MBP: variants seen among roughly 807,000 people sequenced by gnomAD.
MBP encodes Golli-MBP.
Under a neutral mutation model 35.8 loss-of-function variants are expected in MBP, and 16 were observed. That is an observed-to-expected ratio of 0.45 (90% confidence interval 0.30 to 0.68). MBP has a LOEUF of 0.68. MBP is among the 30% of genes least tolerant of loss of function. MBP has a pLI of 0.08. For synonymous variants in MBP, 143 were observed against 159.6 expected (o/e 0.90, Z 0.78); for missense variants, 380 against 404.7 (o/e 0.94, Z 0.52).
Position 76,984,850 on chromosome 18 carries a change from C to A in MBP, c.795G>T (p.Ala265=). The A allele has an allele frequency of 6.2e-7, 1 of 1,613,952 alleles. No homozygotes were observed. The highest frequency in any genetic ancestry group is 8.5e-7 in the Non-Finnish European group (1 of 1,180,022). Residue 265 remains alanine (A), a synonymous_variant, in exon 8 of 9, where the codon GCG becomes GCT. Coordinates refer to ENST00000355994, the MANE Select transcript of MBP (RefSeq NM_001025101.2). ...QRPGFGYGGR[A]SDYKSAHKGF... is the part of the protein sequence containing the mutation. ...CCTTGTGAGCCGATTTATAGTCGGA[C>A]GCTCTGCCTCCGTAGCCAAATCCTG...
chr18:77,065,193 T>C (rs1223059825), intron 3 of MBP, among the ~76,000 whole-genome samples: 1 of 152,160 alleles, frequency 6.6e-6, no homozygotes, highest in East Asian at 1.9e-4. Flanking sequence ...ATAAAGAAAA[T>C]AAATTTATTC....
chr18:76,998,320 G>T (rs929233426), intron 4 of MBP, among the ~76,000 whole-genome samples: 3 of 96,370 alleles, frequency 3.1e-5, no homozygotes, highest in Non-Finnish European at 6.2e-5. Flanking sequence ...CCCGTGCTGC[G>T]GCCCCCGTCA....
intron 4 of MBP, among the ~76,000 whole-genome samples, chr18:76,993,063 C>T (rs75804507): frequency 0.023 from 3,559 of 152,308 alleles, 65 homozygotes; most frequent in African/African-American, 0.042. Flanking sequence ...ACCCCTTGCT[C>T]GTGGCCTCCC....
In MBP at chr18:77,102,199, G is replaced by A. The variant is rs1037550535; in HGVS notation, c.51+3012C>T. On this transcript the variant is annotated intron_variant, in intron 2 of 8. Transcript: ENST00000355994. The surrounding 1 kb of genome is among the most constrained non-coding windows in gnomAD (Gnocchi z 4.4). Reference sequence around the variant, plus strand: ...TCAGCAGCCTGGGCCGGGCAGTGGGGCAGAGGCAGTGTGTGGGGTAGACCG... The same window carrying A: ...TCAGCAGCCTGGGCCGGGCAGTGGGACAGAGGCAGTGTGTGGGGTAGACCG... 2.0e-5 allele frequency among the ~76,000 whole-genome samples: 3 copies of A among 152,170 alleles called. No homozygotes were observed. The highest frequency in any genetic ancestry group is 6.5e-5 in the Admixed American group (1 of 15,280).
intron 3 of MBP, among the ~76,000 whole-genome samples, chr18:77,026,463 TTAACTA>T (rs1483614942): frequency 6.6e-6 from 1 of 152,172 alleles, no homozygotes; most frequent in African/African-American, 2.4e-5. Context: ...ACTACCCAAT[TTAACTA>T]TAACACGGTG....
chr18:77,057,528 A>G (rs1973771527), intron 3 of MBP, among the ~76,000 whole-genome samples: 1 of 152,208 alleles, frequency 6.6e-6, no homozygotes. Context: ...AAGGCCGTGC[A>G]GTGATTATCT....
In MBP at chr18:76,989,636, C is replaced by G. The variant is rs530131046; in HGVS notation, c.681+320G>C. ...CTCTCTCTGCTGCCCCCTCCGCTCCCAGCCCATGGCAAGCACTCTCCATAG... is the reference window on the plus strand; with the variant it reads ...CTCTCTCTGCTGCCCCCTCCGCTCCGAGCCCATGGCAAGCACTCTCCATAG... On this transcript the variant is annotated intron_variant, in intron 5 of 8. Coordinates refer to ENST00000355994, the MANE Select transcript of MBP (RefSeq NM_001025101.2). The surrounding 1 kb of genome is among the most constrained non-coding windows in gnomAD (Gnocchi z 4.0). The G allele has an allele frequency of 1.8e-4, 58 of 323,498 alleles. No homozygotes were observed. Among genetic ancestry groups the G allele is most frequent in the Non-Finnish European group, 2.7e-4 (46 of 170,892 alleles). The allele number at this position is 323,498 out of a possible 1,614,324, so 20.0% of individuals were successfully genotyped here. A position where few individuals can be genotyped will look rare whatever the true frequency, so the allele number is the denominator to read the frequency against.
intron 2 of MBP, among the ~76,000 whole-genome samples, chr18:77,076,508 G>A (rs1334332628): frequency 1.3e-5 from 2 of 152,220 alleles, no homozygotes; most frequent in Non-Finnish European, 2.9e-5. Context: ...CACCGTCGCT[G>A]CTGAGTCCTG....
chr18:77,067,710 C>T, intron 2 of MBP: 1 of 430,324 alleles, frequency 2.3e-6, no homozygotes, highest in East Asian at 7.2e-5. Flanking sequence ...CCCTGCAGCG[C>T]CCCACCCTGG....
chr18:77,007,717 G>A (rs1708047091), intron 4 of MBP, among the ~76,000 whole-genome samples: 1 of 152,166 alleles, frequency 6.6e-6, no homozygotes, highest in Admixed American at 6.5e-5. Flanking sequence ...AAGTGCACAA[G>A]TGCTGAGCAC....
intron 3 of MBP, among the ~76,000 whole-genome samples, chr18:77,062,592 G>A (rs1458563653): frequency 6.6e-6 from 1 of 152,110 alleles, no homozygotes; most frequent in Non-Finnish European, 1.5e-5. Flanking sequence ...CAATCCTTTG[G>A]TGAGATTTTT....
At position 77,020,394 on chromosome 18, in the gene MBP, G is replaced by A. The variant is rs1222639089; in HGVS notation, c.140-3126C>T. 6.6e-6 allele frequency among the ~76,000 whole-genome samples: 1 copy of A among 152,150 alleles called. No individual in the cohort carries two copies. Among genetic ancestry groups the A allele is most frequent in the Non-Finnish European group, 1.5e-5 (1 of 68,024 alleles). ...TTCTTCTACGTCGGTTTCCACAAAG[G>A]ACCTCTTTCAGTAACTGCCCTGGGG... On this transcript the variant is annotated intron_variant, in intron 3 of 8. Transcript: ENST00000355994. The surrounding 1 kb of genome is among the most constrained non-coding windows in gnomAD (Gnocchi z 4.1).
intron 4 of MBP, among the ~76,000 whole-genome samples, chr18:76,992,152 G>C (rs868545529): frequency 3.3e-5 from 5 of 152,152 alleles, no homozygotes; most frequent in African/African-American, 1.2e-4. Context: ...TCAAAGCAGC[G>C]GTTCCCAACC....
chr18:76,996,911 A>C (rs1970300335), intron 4 of MBP, among the ~76,000 whole-genome samples: 2 of 152,208 alleles, frequency 1.3e-5, no homozygotes, highest in Non-Finnish European at 2.9e-5. Flanking sequence ...GTCATTGTAC[A>C]GCCAGAGATG....
At chr18:77,121,477 T>C (rs1976883648) in intron 1 of MBP, among the ~76,000 whole-genome samples, 1 of 152,254 alleles carries the variant, frequency 6.6e-6, no homozygotes, top group African/African-American at 2.4e-5. Context: ...GGAAGGCTGC[T>C]GCCAGGCCTC....
intron 4 of MBP, among the ~76,000 whole-genome samples, chr18:76,995,960 G>C (rs1970243750): frequency 6.6e-6 from 1 of 152,180 alleles, no homozygotes; most frequent in Non-Finnish European, 1.5e-5. Context: ...CTTGAAAGCA[G>C]AATCTGTAAA....
chr18:77,092,264 C>T (rs1473944329), intron 2 of MBP, among the ~76,000 whole-genome samples: 2 of 152,266 alleles, frequency 1.3e-5, no homozygotes, highest in Admixed American at 6.5e-5. Flanking sequence ...TGACTAGAAG[C>T]AGCTCCCCGT....
intron 1 of MBP, among the ~76,000 whole-genome samples, chr18:77,126,538 C>CA (rs1977056693): frequency 1.3e-5 from 2 of 151,896 alleles, no homozygotes; most frequent in Non-Finnish European, 2.9e-5. Context: ...CTAACCAGTA[C>CA]GGTAAGATAA....
At position 77,038,742 on chromosome 18, in the gene MBP, C is replaced by T. The variant is rs528322777; in HGVS notation, c.140-21474G>A. On this transcript the variant is annotated intron_variant, in intron 3 of 8. Transcript: ENST00000355994. ...ATGTATGCATATATGTACACATGTA[C>T]GCATATCACTTTCTTGATGCAAGAA... 2.5e-4 allele frequency among the ~76,000 whole-genome samples: 38 copies of T among 152,300 alleles called. No individual in the cohort carries two copies. In the South Asian group the frequency reaches 6.0e-3, roughly 24 times the overall value.
Sources: allele counts gnomAD v4.1 joint callset (sites outside exome capture counted in the v4.1 genomes callset), GRCh38; gene constraint gnomAD v4.1.1; non-coding constraint Gnocchi (gnomAD v3.1); transcripts MANE v1.5; gene names NCBI Gene and HGNC (gene_info 2026-07-23, HGNC 2026-07-21).